The following ABHD2 variants were observed in gnomAD, a reference collection of about 807,000 sequenced individuals.
ABHD2 encodes abhydrolase domain containing 2, acylglycerol lipase, also known as monoacylglycerol lipase ABHD2.
Under a neutral mutation model 48.1 loss-of-function variants are expected in ABHD2, and 20 were observed. The ratio of observed to expected loss-of-function variants is 0.42; its 90% confidence interval spans 0.29 to 0.60. The LOEUF (loss-of-function observed/expected upper bound fraction) is 0.60. ABHD2 is among the 20% of genes least tolerant of loss of function. The pLI is 0.24. For synonymous variants in ABHD2, 209 were observed against 214.2 expected (o/e 0.98, Z 0.21); for missense variants, 405 against 550.9 (o/e 0.74, Z 2.65).
chr15:89,123,555 G>A (rs1005898611), intron 3 of ABHD2, among the ~76,000 whole-genome samples: 9 of 138,780 alleles, frequency 6.5e-5, no homozygotes, highest in Admixed American at 6.4e-4. Flanking sequence ...GTGCTTCCTA[G>A]TTATTTCTCT....
the ABHD2 span, among the ~76,000 whole-genome samples, chr15:89,064,965 C>T: frequency 6.6e-6 from 1 of 152,100 alleles, no homozygotes; most frequent in South Asian, 2.1e-4. Flanking sequence ...CGAGAGGGAT[C>T]ACTATTCTGA....
rs1275192514 is a variant in ABHD2 at position 89,182,464 on chromosome 15, A to C, written c.723-2960A>C. ...TGCCACCCCTTCTCTCTTCTGGAGAACATAGCTATCTAGAGGCAAGTCAAG... is the reference window on the plus strand; with the variant it reads ...TGCCACCCCTTCTCTCTTCTGGAGACCATAGCTATCTAGAGGCAAGTCAAG... On this transcript the variant is annotated intron_variant, in intron 6 of 10. Transcript: ENST00000352732. This position sits in a 1 kb window ranked among gnomAD's most constrained non-coding sequence, Gnocchi z 4.8. 6.6e-6 allele frequency among the ~76,000 whole-genome samples: 1 copy of C among 152,144 alleles called. No homozygotes were observed. Among genetic ancestry groups the C allele is most frequent in the African/African-American group, 2.4e-5 (1 of 41,418 alleles).
At chr15:89,063,929 G>T in the ABHD2 span, among the ~76,000 whole-genome samples, 1 of 152,056 alleles carries the variant, frequency 6.6e-6, no homozygotes, top group Non-Finnish European at 1.5e-5. Flanking sequence ...CAGCTGTGCA[G>T]CCTGGTTCTT....
In ABHD2 at chr15:89,201,877, G is replaced by A. The variant is rs906859212; in HGVS notation, c.*6454G>A. The A allele has an allele frequency of 2.4e-5, 17 of 701,584 alleles. No homozygotes were observed. The highest frequency in any genetic ancestry group is 2.0e-4 in the African/African-American group (11 of 56,076). 43.5% of individuals were successfully genotyped at this position (701,584 alleles called of 1,614,324 possible). ...ACGATGGCGAGAGGGGAGGGGGAGC[G>A]AGTTCGCATCTCTCCTTTTCCTGGT... is the stretch of plus-strand genomic sequence containing the variant. On this transcript the variant is annotated 3_prime_UTR_variant, in exon 11 of 11. Transcript: ENST00000352732.
chr15:89,135,057 G>A (rs2050280748), intron 3 of ABHD2, among the ~76,000 whole-genome samples: 1 of 151,028 alleles, frequency 6.6e-6, no homozygotes, highest in South Asian at 2.1e-4. Context: ...CTCTTGATTG[G>A]TGTGTTCTTT....
At position 89,174,185 on chromosome 15, in the gene ABHD2, G is replaced by T. The variant is rs1160883109; in HGVS notation, c.539-1627G>T. ...ATAGGGCAGTTTCAAGTGTATTGAT[G>T]CATAATATTGCCAGACATATTGTAA... On this transcript the variant is annotated intron_variant, in intron 5 of 10. Transcript: ENST00000352732. The surrounding 1 kb of genome is among the most constrained non-coding windows in gnomAD (Gnocchi z 4.1). Among the ~76,000 whole-genome samples, 1 of 152,048 alleles carries T rather than the reference G, an allele frequency of 6.6e-6. No homozygotes were observed. The highest frequency in any genetic ancestry group is 2.4e-5 in the African/African-American group (1 of 41,390).
chr15:89,159,890 T>G (rs1029607533), intron 5 of ABHD2, among the ~76,000 whole-genome samples: 4 of 152,252 alleles, frequency 2.6e-5, no homozygotes, highest in African/African-American at 4.8e-5. Flanking sequence ...GGTGTCTTCT[T>G]CTAGCCATAC....
chr15:89,129,400 A>G (rs1268353642), intron 3 of ABHD2, among the ~76,000 whole-genome samples: 1 of 152,190 alleles, frequency 6.6e-6, no homozygotes, highest in African/African-American at 2.4e-5. Flanking sequence ...AAGGCCATCT[A>G]CCTTGGCCAG....
the ABHD2 span, among the ~76,000 whole-genome samples, chr15:89,054,993 A>C: frequency 4.6e-5 from 7 of 152,088 alleles, no homozygotes; most frequent in African/African-American, 1.7e-4. Flanking sequence ...CGGGAGGCTG[A>C]GGTTGGAGGA....
rs776135877 is a variant in ABHD2 at position 89,116,537 on chromosome 15, G to C, written c.194+16G>C. 23 of 1,607,274 alleles carry C rather than the reference G, an allele frequency of 1.4e-5. No homozygotes were observed. The highest frequency in any genetic ancestry group is 2.0e-5 in the Non-Finnish European group (23 of 1,176,044). On this transcript the variant is annotated intron_variant, in intron 3 of 10. Coordinates refer to ENST00000352732, the MANE Select transcript of ABHD2 (RefSeq NM_152924.5). The surrounding 1 kb of genome is among the most constrained non-coding windows in gnomAD (Gnocchi z 4.6). The stretch of plus-strand genomic sequence containing the variant: ...TGACCAAAGAGTGAGTAGACCTCAT[G>C]CCCTCTGTATGCTCAGCTGCTGATG...
intron 3 of ABHD2, among the ~76,000 whole-genome samples, chr15:89,126,356 C>A (rs749711398): frequency 5.9e-4 from 90 of 152,194 alleles, no homozygotes; most frequent in Non-Finnish European, 9.6e-4. Context: ...ACAGGACTTA[C>A]ATGGAATCAG....
chr15:89,172,035 A>ATTT (rs1567103095), intron 5 of ABHD2, among the ~76,000 whole-genome samples: 13 of 149,046 alleles, frequency 8.7e-5, no homozygotes, highest in African/African-American at 3.2e-4. Flanking sequence ...TTTTTTTTTA[A>ATTT]AAAAAATCCC....
intron 3 of ABHD2, among the ~76,000 whole-genome samples, chr15:89,144,141 T>A (rs2050453235): frequency 6.6e-6 from 1 of 152,168 alleles, no homozygotes; most frequent in African/African-American, 2.4e-5. Flanking sequence ...ATGTCTTTTT[T>A]CTTTTTTTTT....
rs1901628785 is a variant in ABHD2, at chr15:89,092,310, G to A, written c.-107+3747G>A. On this transcript the variant is annotated intron_variant, in intron 1 of 10. Transcript: ENST00000352732. The surrounding 1 kb of genome is among the most constrained non-coding windows in gnomAD (Gnocchi z 4.4). ...GTGGAACGTTGGTACCCTTGGATTT[G>A]CCTGGTTTCTGATTTTCTTTTGTTG... Among the ~76,000 whole-genome samples the A allele has an allele frequency of 1.3e-5, 2 of 152,120 alleles. No individual in the cohort carries two copies. The highest frequency in any genetic ancestry group is 2.4e-5 in the African/African-American group (1 of 41,432).
rs1257022431 is a variant in ABHD2, at chr15:89,196,991, C to T, written c.*1568C>T. The T allele has an allele frequency of 6.6e-6, 1 of 152,650 alleles. No individual in the cohort carries two copies. The highest frequency in any genetic ancestry group is 1.5e-5 in the Non-Finnish European group (1 of 68,050). 9.5% of individuals were successfully genotyped at this position (152,650 alleles called of 1,614,324 possible). A position where few individuals can be genotyped will look rare whatever the true frequency, so the allele number is the denominator to read the frequency against. On this transcript the variant is annotated 3_prime_UTR_variant, in exon 11 of 11. Coordinates refer to ENST00000352732, the MANE Select transcript of ABHD2 (RefSeq NM_152924.5). ...AAAAGATATTTTTCCTCCTTCATCT[C>T]CTTTGACTCCAGGACAGACTGGAAT...
rs1312342771 is a variant in ABHD2, at chr15:89,116,835, C to T, written c.194+314C>T. 3.3e-5 allele frequency among the ~76,000 whole-genome samples: 5 copies of T among 152,198 alleles called. No individual in the cohort carries two copies. The highest frequency in any genetic ancestry group is 6.5e-5 in the Admixed American group (1 of 15,284). On this transcript the variant is annotated intron_variant, in intron 3 of 10. Coordinates refer to ENST00000352732, the MANE Select transcript of ABHD2 (RefSeq NM_152924.5). The surrounding 1 kb of genome is among the most constrained non-coding windows in gnomAD (Gnocchi z 4.6). ...GTTGGACAATATTCTAGTCCTTTAA[C>T]GAATGCTTTGTTGCCAGTTCTAGGA...
At position 89,179,474 on chromosome 15, in the gene ABHD2, A is replaced by G. The variant is rs929091237; in HGVS notation, c.722+3479A>G. On this transcript the variant is annotated intron_variant, in intron 6 of 10. Coordinates refer to ENST00000352732, the MANE Select transcript of ABHD2 (RefSeq NM_152924.5). The surrounding 1 kb of genome is among the most constrained non-coding windows in gnomAD (Gnocchi z 4.3). ...GGATAGTTTGCATCTTCTTATGAGA[A>G]TCTAATATCTGATGATCTGTCGCTG... Among the ~76,000 whole-genome samples the G allele has an allele frequency of 5.3e-5, 8 of 152,124 alleles. No individual in the cohort carries two copies. Among genetic ancestry groups the G allele is most frequent in the African/African-American group, 1.9e-4 (8 of 41,430 alleles).
intron 5 of ABHD2, among the ~76,000 whole-genome samples, chr15:89,170,080 CTTTTTTTTTTTTTTTTTTTT>C (rs748983183): frequency 3.5e-4 from 13 of 37,486 alleles, no homozygotes; most frequent in East Asian, 1.0e-3. Context: ...AGATCAGATT[CTTTTTTTTTTTTTTTTTTTT>C]TTTTTTTTTT....
At chr15:89,053,757 C>T in the ABHD2 span, among the ~76,000 whole-genome samples, 3 of 152,204 alleles carry the variant, frequency 2.0e-5, no homozygotes, top group Non-Finnish European at 2.9e-5. Context: ...AAAGACATAC[C>T]TATGATGGCG....
Sources: gnomAD v4.1 joint callset for allele counts (sites outside exome capture counted in the v4.1 genomes callset) on GRCh38, gnomAD v4.1.1 for gene constraint, Gnocchi (gnomAD v3.1) non-coding constraint, MANE v1.5 for transcripts, NCBI Gene and HGNC (gene_info 2026-07-23, HGNC 2026-07-21) for gene names.